Variants in ZXDC observed in about 807,000 individuals in gnomAD.
ZXDC encodes ZXD family zinc finger C.
A neutral mutation model predicts 63.6 loss-of-function variants in ZXDC; 58 were observed. The ratio of observed to expected loss-of-function variants is 0.91; its 90% confidence interval spans 0.74 to 1.13. The LOEUF (loss-of-function observed/expected upper bound fraction) is 1.13, where lower values mean the gene tolerates loss of function less well. Ranked by LOEUF, ZXDC falls within the 50% of genes most tolerant of loss-of-function variation. The pLI is 0.00. For synonymous variants in ZXDC, 561 were observed against 496.1 expected, an observed-to-expected ratio of 1.13 and a Z score of -1.74; for missense variants, 1,133 against 1,148.9, an observed-to-expected ratio of 0.99 and a Z score of 0.20.
At chr3:126,467,714 T>C (rs573421305) in intron 4 of ZXDC, among the ~76,000 whole-genome samples, 11 of 152,204 alleles carry the variant, frequency 7.2e-5, no homozygotes, top group Non-Finnish European at 1.5e-4. Flanking sequence ...AGGACTGCCC[T>C]GCAAGCGCGC....
At chr3:126,465,549 G>C (rs1457530975) in intron 5 of ZXDC, among the ~76,000 whole-genome samples, 1 of 152,338 alleles carries the variant, frequency 6.6e-6, no homozygotes, top group Admixed American at 6.5e-5. Context: ...ACACAGGAGG[G>C]GCAGGTTCAG....
chr3:126,451,982 A>T (rs1934122146), intron 7 of ZXDC: 1 of 985,314 alleles, frequency 1.0e-6, no homozygotes, highest in African/African-American at 1.7e-5. Flanking sequence ...CATGCCTTAG[A>T]AAAACCTTTA....
At position 126,451,324 on chromosome 3, in the gene ZXDC, T is replaced by C. The variant is rs1032187756; in HGVS notation, c.2212+8329A>G. The C allele has an allele frequency of 4.1e-6, 4 of 985,286 alleles. No individual in the cohort carries two copies. The African/African-American group carries it at 5.2e-5, about 13-fold the overall frequency. 61.0% of individuals were successfully genotyped at this position (985,286 alleles called of 1,614,324 possible). ...ACACACCCACTTTTTCTTACAAATA[T>C]GAACTTACTGAAAACATGCACAGAG... On this transcript the variant is annotated intron_variant, in intron 7 of 9. Transcript: ENST00000389709.
rs944424551 is a variant in ZXDC, at chr3:126,460,353, A to G, written c.2128-616T>C. Reference sequence around the variant, plus strand: ...TTATCGCTATGAAGAGAAAAAGAGCAGCCCTCAAAGCTCGTAGCATACCTG... The same window carrying G: ...TTATCGCTATGAAGAGAAAAAGAGCGGCCCTCAAAGCTCGTAGCATACCTG... On this transcript the variant is annotated intron_variant, in intron 6 of 9. Coordinates refer to ENST00000389709, the MANE Select transcript of ZXDC (RefSeq NM_025112.5). The G allele has an allele frequency of 2.7e-5, 16 of 593,406 alleles. No individual in the cohort carries two copies. The African/African-American group carries it at 3.2e-4, about 12-fold the overall frequency. 36.8% of individuals were successfully genotyped at this position (593,406 alleles called of 1,614,324 possible). A position where few individuals can be genotyped will look rare whatever the true frequency, so the allele number is the denominator to read the frequency against.
At chr3:126,458,531 C>G in intron 7 of ZXDC, 1 of 965,624 alleles carries the variant, frequency 1.0e-6, no homozygotes, top group Non-Finnish European at 1.2e-6. Flanking sequence ...AGCCACCGCA[C>G]CTGGCCAATG....
chr3:126,439,732 G>A lies in ZXDC; in HGVS notation c.2395-5C>T, dbSNP rs373979788. The A allele has an allele frequency of 5.9e-5, 92 of 1,549,858 alleles. No individual in the cohort carries two copies. The highest frequency in any genetic ancestry group is 6.9e-5 in the Non-Finnish European group (79 of 1,146,674). On this transcript the variant is annotated splice_region_variant and splice_polypyrimidine_tract_variant and intron_variant, in intron 8 of 9. Coordinates refer to ENST00000389709, the MANE Select transcript of ZXDC (RefSeq NM_025112.5). ...ACCTTCGCCGGAGGGGTCATCCTGG[G>A]AAGGCAACACAGAAAGGCCTGTCAC...
At chr3:126,459,316 G>C (rs549181334) in intron 7 of ZXDC, 164 of 985,318 alleles carry the variant, frequency 1.7e-4, no homozygotes, top group Non-Finnish European at 1.9e-4. Context: ...AGGCCCCAAG[G>C]CCATTCAGCA....
At chr3:126,449,229 T>C (rs986164656) in intron 7 of ZXDC, among the ~76,000 whole-genome samples, 6 of 152,228 alleles carry the variant, frequency 3.9e-5, no homozygotes, top group Non-Finnish European at 5.9e-5. Flanking sequence ...CCAAAGCTTT[T>C]ACCTTTTTTT....
intron 8 of ZXDC, chr3:126,441,533 C>G: frequency 7.8e-7 from 1 of 1,287,298 alleles, no homozygotes; most frequent in Non-Finnish European, 9.8e-7. Context: ...AGTGGATGCA[C>G]GGTCCCAGCA....
intron 1 of ZXDC, among the ~76,000 whole-genome samples, chr3:126,473,697 A>T: frequency 6.6e-6 from 1 of 152,262 alleles, no homozygotes; most frequent in South Asian, 2.1e-4. Flanking sequence ...GAGGGAAAAA[A>T]TAATAAAACC....
chr3:126,454,184 C>T (rs182327190), intron 7 of ZXDC: 2 of 979,208 alleles, frequency 2.0e-6, no homozygotes, highest in Admixed American at 6.2e-5. Context: ...TTATTAATCC[C>T]ATTTTAAATA....
rs767530425 is a variant in ZXDC, at chr3:126,462,109, G to T, written c.1553C>A (p.Thr518Lys). 16 of 1,613,946 alleles carry T rather than the reference G, an allele frequency of 9.9e-6. No individual in the cohort carries two copies. The highest frequency in any genetic ancestry group is 5.1e-6 in the Non-Finnish European group (6 of 1,180,046). ...TGCAGAACCACTAGCATTGGCAGGT[G>T]TGTCAGAGAAGAGTGCAGCAAGATC... is the stretch of plus-strand genomic sequence containing the variant. The part of the protein sequence containing the change: ...NMDLAALFSD[T>K]PANASGSAGG... Residue 518 changes from threonine (T) to lysine (K), a missense_variant, in exon 6 of 10, where the codon ACA becomes AAA. Transcript: ENST00000389709.
At chr3:126,461,083 T>G (rs1173684268) in intron 6 of ZXDC, 1 of 591,442 alleles carries the variant, frequency 1.7e-6, no homozygotes, top group East Asian at 1.4e-4. Flanking sequence ...AACCCCACCC[T>G]TTTTTTTTTT....
At chr3:126,444,303 C>A (rs986723371) in intron 7 of ZXDC, among the ~76,000 whole-genome samples, 1 of 152,142 alleles carries the variant, frequency 6.6e-6, no homozygotes, top group Admixed American at 6.5e-5. Flanking sequence ...GAGGCCAAGG[C>A]GGGCAGATTA....
At chr3:126,458,954 T>G (rs1363130232) in intron 7 of ZXDC, 22 of 981,238 alleles carry the variant, frequency 2.2e-5, no homozygotes, top group Middle Eastern at 5.2e-4. Context: ...CATAATACTA[T>G]TAGGAATAGA....
At chr3:126,466,106 G>C in intron 5 of ZXDC, 49 bp downstream of exon 5, 1 of 1,575,906 alleles carries the variant, frequency 6.3e-7, no homozygotes, top group Non-Finnish European at 8.6e-7. Flanking sequence ...CACTGTTCCC[G>C]TTTCTCACAG....
intron 7 of ZXDC, chr3:126,458,995 T>C: frequency 1.0e-6 from 1 of 980,806 alleles, no homozygotes; most frequent in Non-Finnish European, 1.2e-6. Context: ...TCAACCCTTT[T>C]AGATAAATAC....
chr3:126,458,647 G>T (rs552265465), intron 7 of ZXDC: 6 of 985,240 alleles, frequency 6.1e-6, no homozygotes, highest in South Asian at 4.7e-5. Flanking sequence ...AATAGGACAC[G>T]TGTTATATAC....
chr3:126,470,340 G>A (rs539350728), intron 4 of ZXDC, among the ~76,000 whole-genome samples: 13 of 152,226 alleles, frequency 8.5e-5, no homozygotes, highest in Admixed American at 2.0e-4. Flanking sequence ...GGTGGCATAC[G>A]CCTGTAGTCC....
Sources: allele counts gnomAD v4.1 joint callset (sites outside exome capture counted in the v4.1 genomes callset), GRCh38; gene constraint gnomAD v4.1.1; transcripts MANE v1.5; gene names NCBI Gene and HGNC (gene_info 2026-07-23, HGNC 2026-07-21).